RHBDD1: variants seen among roughly 807,000 people sequenced by gnomAD.
RHBDD1 encodes the protein rhomboid domain containing 1.
Under a neutral mutation model 36.3 loss-of-function variants are expected in RHBDD1, and 38 were observed. That is an observed-to-expected ratio of 1.05 (90% CI 0.81 to 1.37). RHBDD1 has a LOEUF of 1.37. Among genes scored for constraint, RHBDD1 ranks in the 40% most tolerant of loss-of-function variants. RHBDD1 has a pLI of 0.00. For missense variants in RHBDD1, 393 were observed against 377.6 expected (o/e 1.04, Z -0.34); for synonymous variants, 151 against 136.5 (o/e 1.11, Z -0.74).
chr2:226,897,247 A>G (rs1046366584), intron 5 of RHBDD1, among the ~76,000 whole-genome samples: 4 of 152,152 alleles, frequency 2.6e-5, no homozygotes, highest in Admixed American at 6.5e-5. Context: ...TTGAGAAGCC[A>G]TCCCAGACAG....
the RHBDD1 span, among the ~76,000 whole-genome samples, chr2:226,805,884 C>T: frequency 6.6e-6 from 1 of 152,144 alleles, no homozygotes; most frequent in South Asian, 2.1e-4. Context: ...ATTCTTCTCA[C>T]ATCCCCTCCT....
upstream of RHBDD1, chr2:226,835,840 T>G (rs2124882498): frequency 6.6e-6 from 1 of 152,524 alleles, no homozygotes; most frequent in South Asian, 2.1e-4. Context: ...CTCTCCTTAC[T>G]GCGCTCTGCC....
At chr2:226,958,792 A>G (rs1951971714) in intron 8 of RHBDD1, among the ~76,000 whole-genome samples, 1 of 151,280 alleles carries the variant, frequency 6.6e-6, no homozygotes. Context: ...CTTGGGACAT[A>G]TCTTCTTTTT....
the RHBDD1 span, among the ~76,000 whole-genome samples, chr2:226,806,842 T>C: frequency 1.3e-5 from 2 of 152,238 alleles, no homozygotes; most frequent in Admixed American, 6.5e-5. Context: ...ACTTTCTATA[T>C]GAATATTTCT....
At chr2:226,952,099 G>A (rs193292400) in intron 8 of RHBDD1, among the ~76,000 whole-genome samples, 3 of 152,178 alleles carry the variant, frequency 2.0e-5, no homozygotes, top group East Asian at 1.9e-4. Context: ...AGATGGTAGC[G>A]TGCAGCCCAA....
chr2:226,975,596 G>A (rs1954427614), intron 8 of RHBDD1, among the ~76,000 whole-genome samples: 1 of 152,118 alleles, frequency 6.6e-6, no homozygotes, highest in South Asian at 2.1e-4. Flanking sequence ...TACAGAAGAG[G>A]GGAATCTGCT....
Position 226,972,938 on chromosome 2 carries a change from A to C in RHBDD1, c.857-22493A>C, listed in dbSNP as rs991364050. ...GGAAGGAAGCCTGTAGCAAAAAAAA[A>C]AAAAAAACAAAAAACCATGCAGGTT... On this transcript the variant is annotated intron_variant, in intron 8 of 8. Coordinates refer to ENST00000392062, the MANE Select transcript of RHBDD1 (RefSeq NM_001167608.3). 1.2e-4 allele frequency among the ~76,000 whole-genome samples: 18 copies of C among 151,772 alleles called. 1 individual carries two copies. Among genetic ancestry groups the C allele is most frequent in the African/African-American group, 3.4e-4 (14 of 41,294 alleles).
At chr2:226,859,765 G>T (rs1559202313) in intron 3 of RHBDD1, among the ~76,000 whole-genome samples, 1 of 152,166 alleles carries the variant, frequency 6.6e-6, no homozygotes, top group African/African-American at 2.4e-5. Flanking sequence ...GGTGATATAA[G>T]CATACAGTTA....
At chr2:226,803,308 ATGTGTGTG>A in the RHBDD1 span, among the ~76,000 whole-genome samples, 3 of 149,264 alleles carry the variant, frequency 2.0e-5, no homozygotes, top group Non-Finnish European at 4.5e-5. Flanking sequence ...GATGACTAAA[ATGTGTGTG>A]TGTGTGTGTG....
At chr2:226,834,712 C>T (rs935877142), upstream of RHBDD1, among the ~76,000 whole-genome samples, 2 of 152,200 alleles carry the variant, frequency 1.3e-5, no homozygotes, top group East Asian at 3.8e-4. Flanking sequence ...CACCTGTATT[C>T]GGATACTCGG....
intron 3 of RHBDD1, among the ~76,000 whole-genome samples, chr2:226,864,313 ATGTT>A (rs1944127845): frequency 6.6e-6 from 1 of 152,122 alleles, no homozygotes; most frequent in African/African-American, 2.4e-5. Context: ...ATGAGGTTAC[ATGTT>A]TGTTTGGGAA....
intron 8 of RHBDD1, among the ~76,000 whole-genome samples, chr2:226,955,589 A>G (rs190380045): frequency 6.6e-5 from 10 of 152,308 alleles, no homozygotes; most frequent in African/African-American, 2.4e-4. Flanking sequence ...ATAAAATACC[A>G]AAGACTGGGT....
intron 8 of RHBDD1, among the ~76,000 whole-genome samples, chr2:226,950,822 G>T (rs922880179): frequency 2.6e-5 from 4 of 152,026 alleles, no homozygotes; most frequent in African/African-American, 9.7e-5. Flanking sequence ...TTTAAAAATT[G>T]GGTTGTTTTC....
intron 3 of RHBDD1, among the ~76,000 whole-genome samples, chr2:226,846,694 C>CTG: frequency 6.9e-6 from 1 of 145,728 alleles, no homozygotes; most frequent in South Asian, 2.1e-4. Context: ...CAGCAGTGAG[C>CTG]TGAAATCGTG....
chr2:226,944,188 G>C (rs1408079252), intron 8 of RHBDD1, among the ~76,000 whole-genome samples: 1 of 152,168 alleles, frequency 6.6e-6, no homozygotes, highest in Non-Finnish European at 1.5e-5. Context: ...TTTGGCCCAA[G>C]CAAATAATAC....
intron 8 of RHBDD1, among the ~76,000 whole-genome samples, chr2:226,958,253 A>T (rs1224941760): frequency 6.6e-6 from 1 of 152,242 alleles, no homozygotes; most frequent in African/African-American, 2.4e-5. Context: ...TGAAAGTAGT[A>T]TGCTAAGTGA....
chr2:226,849,384 G>A (rs1367601852), intron 3 of RHBDD1, among the ~76,000 whole-genome samples: 2 of 152,264 alleles, frequency 1.3e-5, no homozygotes, highest in African/African-American at 2.4e-5. Flanking sequence ...AGGTTAGTGA[G>A]CACTGGCATG....
chr2:226,872,332 C>A (rs1944860807), intron 5 of RHBDD1, among the ~76,000 whole-genome samples: 1 of 152,166 alleles, frequency 6.6e-6, no homozygotes, highest in East Asian at 1.9e-4. Flanking sequence ...TATTAATTCC[C>A]TGACACACCT....
chr2:226,949,791 G>A (rs967734035), intron 8 of RHBDD1, among the ~76,000 whole-genome samples: 2 of 151,956 alleles, frequency 1.3e-5, no homozygotes, highest in Non-Finnish European at 2.9e-5. Context: ...CTTGCAGATG[G>A]CCTTTCCCCC....
Sources: allele counts gnomAD v4.1 joint callset (sites outside exome capture counted in the v4.1 genomes callset), GRCh38; gene constraint gnomAD v4.1.1; transcripts MANE v1.5; gene names NCBI Gene and HGNC (gene_info 2026-07-23, HGNC 2026-07-21).